The following AOPEP variants were observed in gnomAD, a reference collection of about 807,000 sequenced individuals.
The protein encoded by AOPEP is aminopeptidase O.
Under a neutral mutation model 98.1 loss-of-function variants are expected in AOPEP, and 77 were observed. That is an observed-to-expected ratio of 0.78 (90% CI 0.65 to 0.95). The LOEUF is 0.95. AOPEP is among the 40% of genes least tolerant of loss of function. The probability of loss-of-function intolerance (pLI) is 0.00; values close to 1 mark genes in which losing one functional copy is unlikely to be tolerated. For synonymous variants in AOPEP, 346 were observed against 365.3 expected (o/e 0.95, Z 0.60); for missense variants, 1,024 against 1,024.7 (o/e 1.00, Z 0.01).
the AOPEP span, among the ~76,000 whole-genome samples, chr9:95,095,061 A>C: frequency 6.6e-6 from 1 of 152,230 alleles, no homozygotes; most frequent in Non-Finnish European, 1.5e-5. Context: ...GCTGCCAGGA[A>C]CATGGCGTCC....
At chr9:95,117,317 T>A in the AOPEP span, 1 of 1,614,040 alleles carries the variant, frequency 6.2e-7, no homozygotes, top group Non-Finnish European at 8.5e-7. Context: ...TAACTCACCT[T>A]GAGGGTCTTG....
At chr9:94,863,940 G>T (rs1203063942) in intron 5 of AOPEP, among the ~76,000 whole-genome samples, 1 of 152,180 alleles carries the variant, frequency 6.6e-6, no homozygotes, top group Non-Finnish European at 1.5e-5. Context: ...ACACTTAGCT[G>T]CAAGGGAGGT....
chr9:94,946,192 A>G (rs950346933), intron 7 of AOPEP, among the ~76,000 whole-genome samples: 6 of 152,170 alleles, frequency 3.9e-5, no homozygotes, highest in African/African-American at 1.4e-4. Flanking sequence ...TGAAATGAAA[A>G]CCACACTTGA....
At chr9:95,005,382 C>T (rs914957853) in intron 12 of AOPEP, among the ~76,000 whole-genome samples, 160 bp from the exon 13 acceptor site, 25 of 151,592 alleles carry the variant, frequency 1.6e-4, no homozygotes, top group African/African-American at 5.6e-4. Context: ...GCGGCCCCTG[C>T]GGTGAGGCGC....
the AOPEP span, among the ~76,000 whole-genome samples, chr9:95,129,000 T>C: frequency 2.0e-5 from 3 of 152,070 alleles, no homozygotes; most frequent in Non-Finnish European, 4.4e-5. Flanking sequence ...ACTCCTGGGT[T>C]CAAAAGATTC....
At chr9:94,876,847 TAAG>T (rs1351640218) in intron 5 of AOPEP, among the ~76,000 whole-genome samples, 1 of 152,098 alleles carries the variant, frequency 6.6e-6, no homozygotes, top group Non-Finnish European at 1.5e-5. Context: ...GATGTTCCAT[TAAG>T]TGTTTTGGTT....
At chr9:94,865,290 G>A (rs1040686926) in intron 5 of AOPEP, among the ~76,000 whole-genome samples, 3 of 152,202 alleles carry the variant, frequency 2.0e-5, no homozygotes, top group Non-Finnish European at 2.9e-5. Flanking sequence ...GACTCTCCTA[G>A]TAACAGGTTT....
intron 5 of AOPEP, among the ~76,000 whole-genome samples, chr9:94,885,240 T>G (rs1397328465): frequency 6.6e-6 from 1 of 150,378 alleles, no homozygotes; most frequent in Admixed American, 6.6e-5. Context: ...TCCTAGCTAC[T>G]TGGTAGGCTG....
intron 7 of AOPEP, chr9:94,933,249 T>G: frequency 2.0e-6 from 2 of 985,640 alleles, no homozygotes; most frequent in Non-Finnish European, 2.4e-6. Context: ...CCATGCCTCC[T>G]GTCTCCAGGG....
intron 14 of AOPEP, among the ~76,000 whole-genome samples, chr9:95,072,226 C>A (rs989442419): frequency 3.3e-5 from 5 of 152,218 alleles, no homozygotes; most frequent in Admixed American, 3.3e-4. Flanking sequence ...ATGCCATGCC[C>A]ACGTATTTAC....
intron 1 of AOPEP, among the ~76,000 whole-genome samples, chr9:94,758,223 C>T (rs1322335918): frequency 6.6e-6 from 1 of 152,124 alleles, no homozygotes; most frequent in Non-Finnish European, 1.5e-5. Flanking sequence ...ATGGGTTAGT[C>T]CAAAAGGCAC....
intron 5 of AOPEP, among the ~76,000 whole-genome samples, chr9:94,894,293 T>C (rs2049217300): frequency 6.6e-6 from 1 of 151,830 alleles, no homozygotes; most frequent in Admixed American, 6.6e-5. Context: ...CCAAAACCAA[T>C]AAAACAGAGA....
intron 5 of AOPEP, among the ~76,000 whole-genome samples, chr9:94,884,140 C>T (rs2047911819): frequency 6.6e-6 from 1 of 152,204 alleles, no homozygotes; most frequent in African/African-American, 2.4e-5. Flanking sequence ...AGCCCCAATC[C>T]GAAGCCTTTG....
At chr9:95,099,578 C>T in the AOPEP span, 1 of 230,696 alleles carries the variant, frequency 4.3e-6, no homozygotes, top group South Asian at 1.8e-4. Flanking sequence ...AGGGAATGGC[C>T]GAGGGGTGGC....
intron 5 of AOPEP, among the ~76,000 whole-genome samples, chr9:94,866,041 CG>C (rs1424753831): frequency 1.3e-5 from 2 of 152,174 alleles, no homozygotes; most frequent in Admixed American, 6.5e-5. Context: ...TATTAATTTA[CG>C]TACAGAAATT....
chr9:95,046,636 C>G (rs925438579), intron 13 of AOPEP, among the ~76,000 whole-genome samples: 1 of 152,174 alleles, frequency 6.6e-6, no homozygotes, highest in East Asian at 1.9e-4. Flanking sequence ...ACTTCTAGAC[C>G]TGGGAGTGTG....
chr9:95,001,781 T>C (rs2132595075), intron 11 of AOPEP, among the ~76,000 whole-genome samples: 1 of 152,268 alleles, frequency 6.6e-6, no homozygotes, highest in South Asian at 2.1e-4. Flanking sequence ...GTTATTTACT[T>C]ATTAATATTT....
the AOPEP span, among the ~76,000 whole-genome samples, chr9:95,117,910 C>G: frequency 1.3e-5 from 2 of 152,126 alleles, no homozygotes; most frequent in African/African-American, 4.8e-5. Context: ...TTAGTAGAGA[C>G]AGAGTTTCTC....
At chr9:95,139,005 A>T in the AOPEP span, among the ~76,000 whole-genome samples, 1 of 152,226 alleles carries the variant, frequency 6.6e-6, no homozygotes, top group Non-Finnish European at 1.5e-5. Context: ...CTAAAACCTC[A>T]GTGACTTAAC....
Sources: allele counts gnomAD v4.1 joint callset (sites outside exome capture counted in the v4.1 genomes callset), GRCh38; gene constraint gnomAD v4.1.1; transcripts MANE v1.5; gene names NCBI Gene and HGNC (gene_info 2026-07-23, HGNC 2026-07-21).